Variants in ASTN2 observed in about 807,000 individuals in gnomAD.
The protein encoded by ASTN2 is astrotactin 2.
Under a neutral mutation model 139.8 loss-of-function variants are expected in ASTN2, and 54 were observed. The ratio of observed to expected loss-of-function variants is 0.39; its 90% CI spans 0.31 to 0.48. ASTN2 has a LOEUF of 0.48. ASTN2 is among the 20% of genes least tolerant of loss of function. The pLI is 0.95. For synonymous variants in ASTN2, 756 were observed against 719.5 expected (o/e 1.05, Z -0.81); for missense variants, 1,565 against 1,725.1 (o/e 0.91, Z 1.64).
chr9:116,535,314 C>T (rs932032608), intron 19 of ASTN2, among the ~76,000 whole-genome samples: 4 of 152,076 alleles, frequency 2.6e-5, no homozygotes, highest in Non-Finnish European at 5.9e-5. Context: ...ACTCTTTGTC[C>T]AATTTGCCAA....
At chr9:116,765,478 C>T (rs1381104313) in intron 13 of ASTN2, among the ~76,000 whole-genome samples, 1 of 152,112 alleles carries the variant, frequency 6.6e-6, no homozygotes, top group Non-Finnish European at 1.5e-5. Context: ...TTTAAATATG[C>T]ATATCTCTTG....
At chr9:116,554,278 T>C (rs1852491712) in intron 19 of ASTN2, among the ~76,000 whole-genome samples, 1 of 152,112 alleles carries the variant, frequency 6.6e-6, no homozygotes, top group Non-Finnish European at 1.5e-5. Context: ...TGAGACCCTA[T>C]ACGTGGAAGG....
chr9:116,544,610 T>G (rs556872626), intron 19 of ASTN2, among the ~76,000 whole-genome samples: 1 of 152,266 alleles, frequency 6.6e-6, no homozygotes, highest in East Asian at 1.9e-4. Flanking sequence ...TTTTTATTCA[T>G]GAGTTATTTG....
intron 5 of ASTN2, among the ~76,000 whole-genome samples, chr9:117,082,819 A>C (rs574722845): frequency 9.2e-5 from 14 of 152,182 alleles, no homozygotes; most frequent in African/African-American, 3.4e-4. Context: ...AAACAAAGCA[A>C]ACAAAAAACA....
intron 19 of ASTN2, among the ~76,000 whole-genome samples, chr9:116,595,908 C>T (rs1412093928): frequency 6.6e-6 from 1 of 152,104 alleles, no homozygotes; most frequent in Non-Finnish European, 1.5e-5. Flanking sequence ...GCTAGATGAT[C>T]CAGCAATCCC....
At chr9:117,336,917 C>A (rs1051180648) in intron 1 of ASTN2, among the ~76,000 whole-genome samples, 2 of 152,120 alleles carry the variant, frequency 1.3e-5, no homozygotes, top group Non-Finnish European at 2.9e-5. Flanking sequence ...ATATAAAACA[C>A]CACAAGATAC....
At chr9:116,891,246 G>A (rs1343221111) in intron 10 of ASTN2, among the ~76,000 whole-genome samples, 3 of 152,116 alleles carry the variant, frequency 2.0e-5, no homozygotes, top group Admixed American at 6.6e-5. Flanking sequence ...AAAGAAAATC[G>A]GGCATATGTG....
At chr9:117,090,099 T>C (rs1244649268) in intron 5 of ASTN2, among the ~76,000 whole-genome samples, 1 of 152,238 alleles carries the variant, frequency 6.6e-6, no homozygotes, top group Non-Finnish European at 1.5e-5. Flanking sequence ...GGGTGAAATC[T>C]GAACTAGCAC....
At chr9:116,780,185 G>C (rs146242291) in intron 13 of ASTN2, among the ~76,000 whole-genome samples, 1 of 152,148 alleles carries the variant, frequency 6.6e-6, no homozygotes, top group Admixed American at 6.5e-5. Context: ...AGAAGCAAAC[G>C]GTAGAATACC....
intron 16 of ASTN2, among the ~76,000 whole-genome samples, chr9:116,723,333 C>G (rs896969588): frequency 9.9e-5 from 15 of 152,168 alleles, no homozygotes; most frequent in African/African-American, 3.6e-4. Context: ...CTCCCAAAAG[C>G]CATGCAAGAG....
intron 19 of ASTN2, among the ~76,000 whole-genome samples, chr9:116,609,561 T>C (rs1023611394): frequency 6.6e-6 from 1 of 151,490 alleles, no homozygotes; most frequent in Non-Finnish European, 1.5e-5. Context: ...TCAGAAAGCA[T>C]GCATCACTAA....
chr9:117,335,874 C>A (rs1828866229), intron 1 of ASTN2, among the ~76,000 whole-genome samples: 1 of 152,062 alleles, frequency 6.6e-6, no homozygotes, highest in Admixed American at 6.6e-5. Context: ...GTTGGAATCT[C>A]ACTACTCTCC....
chr9:117,016,054 C>T (rs1564385259), intron 6 of ASTN2, among the ~76,000 whole-genome samples: 1 of 152,112 alleles, frequency 6.6e-6, no homozygotes, highest in South Asian at 2.1e-4. Flanking sequence ...ATATACTATG[C>T]TTTCACTGTA....
intron 4 of ASTN2, among the ~76,000 whole-genome samples, chr9:117,101,205 G>C (rs749945554): frequency 3.3e-5 from 5 of 152,182 alleles, no homozygotes; most frequent in Non-Finnish European, 7.4e-5. Flanking sequence ...TCCTGGGGAG[G>C]TGGCAGCCAC....
At chr9:116,887,360 C>T (rs954843706) in intron 10 of ASTN2, among the ~76,000 whole-genome samples, 4 of 151,738 alleles carry the variant, frequency 2.6e-5, no homozygotes, top group Non-Finnish European at 4.4e-5. Flanking sequence ...GGAGAAGGGA[C>T]AAGCTGTTTA....
rs536740186 is a variant in ASTN2, at chr9:116,533,573, G to T, written c.3356-46073C>A. Among the ~76,000 whole-genome samples, 5 of 152,138 alleles carry T rather than the reference G, an allele frequency of 3.3e-5. No individual in the cohort carries two copies. In the East Asian group the frequency reaches 9.6e-4, roughly 29 times the overall value. On this transcript the variant is annotated intron_variant, in intron 19 of 22. Coordinates refer to ENST00000313400, the MANE Select transcript of ASTN2 (RefSeq NM_001365068.1). ...TTACTGAGATTTTTTAGCATGAAGC[G>T]CTGTTGAATTTTGTCAAATGGCTTT...
intron 11 of ASTN2, among the ~76,000 whole-genome samples, chr9:116,852,657 T>G (rs1264767536): frequency 6.6e-6 from 1 of 152,110 alleles, no homozygotes; most frequent in Non-Finnish European, 1.5e-5. Flanking sequence ...CCTTTATTAT[T>G]TGTAAAATTT....
intron 3 of ASTN2, among the ~76,000 whole-genome samples, chr9:117,202,294 A>G (rs1831751871): frequency 6.6e-6 from 1 of 152,060 alleles, no homozygotes; most frequent in African/African-American, 2.4e-5. Flanking sequence ...TCCTCAACCA[A>G]TTTGCCAGCC....
chr9:116,497,861 T>C (rs1409882800), intron 19 of ASTN2, among the ~76,000 whole-genome samples: 2 of 152,186 alleles, frequency 1.3e-5, no homozygotes, highest in African/African-American at 4.8e-5. Context: ...TAAAATTCCA[T>C]TCCCAAATGT....
Sources: gnomAD v4.1 joint callset for allele counts (sites outside exome capture counted in the v4.1 genomes callset) on GRCh38, gnomAD v4.1.1 for gene constraint, MANE v1.5 for transcripts, NCBI Gene and HGNC (gene_info 2026-07-23, HGNC 2026-07-21) for gene names.